WDPCP: variants seen among roughly 807,000 people sequenced by gnomAD.
WDPCP encodes WD repeat containing planar cell polarity effector, also known as WD repeat-containing and planar cell polarity effector protein fritz homolog.
Under a neutral mutation model 93.1 loss-of-function variants are expected in WDPCP, and 71 were observed. That is an observed-to-expected ratio of 0.76 (90% CI 0.63 to 0.93). The LOEUF is 0.93. Among genes scored for constraint, WDPCP ranks in the 40% least tolerant of loss-of-function variants. The pLI is 0.00. For missense variants in WDPCP, 844 were observed against 887.4 expected, an observed-to-expected ratio of 0.95 and a Z score of 0.62; for synonymous variants, 315 against 315.0, an observed-to-expected ratio of 1.00 and a Z score of 0.00.
chr2:63,676,792 TAC>T (rs57392701), intron 2 of WDPCP, among the ~76,000 whole-genome samples: 131 of 147,406 alleles, frequency 8.9e-4, no homozygotes, highest in African/African-American at 2.0e-3. Flanking sequence ...GAACTACACA[TAC>T]ACACACACAC....
intron 4 of WDPCP, among the ~76,000 whole-genome samples, chr2:63,486,165 C>T (rs188295684): frequency 4.0e-4 from 60 of 151,736 alleles, no homozygotes; most frequent in Non-Finnish European, 7.4e-4. Flanking sequence ...GAATAAAATG[C>T]TAATACTGAT....
intron 2 of WDPCP, among the ~76,000 whole-genome samples, chr2:63,489,356 G>T (rs1437436485): frequency 6.6e-6 from 1 of 152,070 alleles, no homozygotes; most frequent in Non-Finnish European, 1.5e-5. Context: ...AATATAGAGA[G>T]ATAGATACAG....
At chr2:63,523,764 C>T (rs1231987781) in intron 1 of WDPCP, among the ~76,000 whole-genome samples, 5 of 149,182 alleles carry the variant, frequency 3.4e-5, no homozygotes, top group Non-Finnish European at 7.5e-5. Flanking sequence ...ATACAAAATT[C>T]GCTGGGCATG....
chr2:63,746,222 G>A (rs909190111), intron 2 of WDPCP, among the ~76,000 whole-genome samples: 9 of 152,232 alleles, frequency 5.9e-5, no homozygotes, highest in Middle Eastern at 3.4e-3. Flanking sequence ...TAAAGATTCA[G>A]GGCATTTATC....
intron 17 of WDPCP, among the ~76,000 whole-genome samples, chr2:63,129,655 TC>T (rs762737051): frequency 2.0e-5 from 3 of 152,178 alleles, no homozygotes; most frequent in Non-Finnish European, 4.4e-5. Flanking sequence ...GGGTTGTAGT[TC>T]TTCTATATTC....
At chr2:63,362,277 TTGTGTGTGTGTGTG>T (rs140044354) in intron 12 of WDPCP, among the ~76,000 whole-genome samples, 2 of 94,132 alleles carry the variant, frequency 2.1e-5, no homozygotes, top group Admixed American at 1.4e-4. Flanking sequence ...TTTTTTTTGG[TTGTGTGTGTGTGTG>T]TGTGTGTGTG....
intron 14 of WDPCP, among the ~76,000 whole-genome samples, chr2:63,216,150 A>C (rs62177779): frequency 2.6e-4 from 40 of 151,946 alleles, no homozygotes; most frequent in Admixed American, 5.9e-4. Flanking sequence ...TCAGTGTGGC[A>C]ATTCCTCAAG....
chr2:63,499,368 T>A (rs1308991849), intron 1 of WDPCP, among the ~76,000 whole-genome samples: 1 of 152,192 alleles, frequency 6.6e-6, no homozygotes, highest in African/African-American at 2.4e-5. Context: ...AATAAGGAAG[T>A]CTTTGCCAAG....
At chr2:63,480,781 T>A (rs1700219718) in intron 6 of WDPCP, among the ~76,000 whole-genome samples, 1 of 152,104 alleles carries the variant, frequency 6.6e-6, no homozygotes, top group South Asian at 2.1e-4. Flanking sequence ...ACTATAAAAA[T>A]TCTAGAAGAT....
chr2:63,572,807 A>G (rs1231066677), intron 1 of WDPCP, among the ~76,000 whole-genome samples: 1 of 151,560 alleles, frequency 6.6e-6, no homozygotes, highest in African/African-American at 2.4e-5. Flanking sequence ...ATAACTTGTC[A>G]TGCTTGTTTT....
intron 14 of WDPCP, among the ~76,000 whole-genome samples, chr2:63,207,599 T>A (rs866538638): frequency 8.5e-5 from 13 of 152,188 alleles, no homozygotes; most frequent in Admixed American, 1.3e-4. Context: ...CGTTCTGGCA[T>A]AAAGTGTTGC....
At chr2:63,700,618 G>T (rs1210882224) in intron 2 of WDPCP, among the ~76,000 whole-genome samples, 1 of 151,316 alleles carries the variant, frequency 6.6e-6, no homozygotes, top group African/African-American at 2.4e-5. Context: ...TTTTTCTCTC[G>T]CATACAGTGT....
chr2:63,624,652 G>C (rs904477976), intron 3 of WDPCP, among the ~76,000 whole-genome samples: 3 of 152,060 alleles, frequency 2.0e-5, no homozygotes, highest in African/African-American at 7.2e-5. Context: ...ACCCTGAGTA[G>C]ACCAATAACA....
At chr2:63,696,182 G>A (rs920187734) in intron 2 of WDPCP, among the ~76,000 whole-genome samples, 12 of 152,134 alleles carry the variant, frequency 7.9e-5, no homozygotes, top group Admixed American at 3.9e-4. Flanking sequence ...ATTTTGGCTA[G>A]GAGGGGCTGA....
chr2:63,647,585 A>G (rs1710066448), intron 3 of WDPCP, among the ~76,000 whole-genome samples: 1 of 152,224 alleles, frequency 6.6e-6, no homozygotes. Flanking sequence ...AATTATAGAC[A>G]TGGAGTACAA....
chr2:63,813,928 AT>A (rs1338189923), intron 1 of WDPCP, among the ~76,000 whole-genome samples: 1 of 152,220 alleles, frequency 6.6e-6, no homozygotes, highest in Non-Finnish European at 1.5e-5. Flanking sequence ...ATAAATACCA[AT>A]GTATTCCATA....
intron 1 of WDPCP, among the ~76,000 whole-genome samples, chr2:63,816,001 T>C (rs1025498982): frequency 2.6e-5 from 4 of 152,072 alleles, no homozygotes; most frequent in African/African-American, 4.8e-5. Flanking sequence ...GAAACAAAAA[T>C]GAAGATAGTA....
At chr2:63,295,166 AAGAG>A (rs1185257013) in intron 13 of WDPCP, among the ~76,000 whole-genome samples, 2 of 152,164 alleles carry the variant, frequency 1.3e-5, no homozygotes, top group African/African-American at 4.8e-5. Context: ...ACACAAATGA[AAGAG>A]AGAGAAAAAA....
chr2:63,724,933 G>T (rs1182168890), intron 2 of WDPCP, among the ~76,000 whole-genome samples: 1 of 152,174 alleles, frequency 6.6e-6, no homozygotes, highest in Non-Finnish European at 1.5e-5. Flanking sequence ...TCTGAGCCTG[G>T]AAGAACTGCT....
Sources: gnomAD v4.1 joint callset for allele counts (sites outside exome capture counted in the v4.1 genomes callset) on GRCh38, gnomAD v4.1.1 for gene constraint, MANE v1.5 for transcripts, NCBI Gene and HGNC (gene_info 2026-07-23, HGNC 2026-07-21) for gene names.